The following GALNTL6 variants were observed in gnomAD, a reference collection of about 807,000 sequenced individuals.
GALNTL6 encodes polypeptide N-acetylgalactosaminyltransferase-like 6.
In GALNTL6, 46 loss-of-function variants were observed where a neutral mutation model predicts 73.7. The ratio of observed to expected loss-of-function variants is 0.62; its 90% CI spans 0.49 to 0.80. The LOEUF is 0.80. Ranked by LOEUF, GALNTL6 falls within the 30% of genes least tolerant of loss-of-function variation. GALNTL6 has a pLI of 0.00. For missense variants in GALNTL6, 604 were observed against 755.0 expected (o/e 0.80, Z 2.34); for synonymous variants, 259 against 263.7 (o/e 0.98, Z 0.17).
chr4:172,587,295 T>C (rs1737448867), intron 5 of GALNTL6, among the ~76,000 whole-genome samples: 1 of 152,206 alleles, frequency 6.6e-6, no homozygotes, highest in Admixed American at 6.5e-5. Flanking sequence ...CTACAAAGAA[T>C]AGCAAAATGG....
intron 5 of GALNTL6, among the ~76,000 whole-genome samples, chr4:172,783,461 TATA>T (rs1209272615): frequency 1.9e-4 from 28 of 147,728 alleles, no homozygotes; most frequent in East Asian, 3.9e-4. Context: ...ATTATAACAA[TATA>T]ATATTATACA....
chr4:172,577,116 T>C (rs1008403053), intron 5 of GALNTL6, among the ~76,000 whole-genome samples: 4 of 152,190 alleles, frequency 2.6e-5, no homozygotes, highest in Non-Finnish European at 5.9e-5. Flanking sequence ...AGCCCATTCA[T>C]ACTGCTGGGC....
chr4:172,688,126 C>T (rs895279885), intron 5 of GALNTL6, among the ~76,000 whole-genome samples: 2 of 152,164 alleles, frequency 1.3e-5, no homozygotes, highest in Non-Finnish European at 2.9e-5. Flanking sequence ...ATTAATATGA[C>T]TGCTGTAGTC....
At chr4:172,436,098 A>G (rs1731625624) in intron 5 of GALNTL6, among the ~76,000 whole-genome samples, 2 of 152,156 alleles carry the variant, frequency 1.3e-5, no homozygotes, top group Non-Finnish European at 2.9e-5. Flanking sequence ...TTAGTTATCC[A>G]GGGACGTACA....
At chr4:172,254,737 C>T (rs1010310706) in intron 3 of GALNTL6, among the ~76,000 whole-genome samples, 1 of 151,632 alleles carries the variant, frequency 6.6e-6, no homozygotes, top group Non-Finnish European at 1.5e-5. Flanking sequence ...TTTAGTTCCA[C>T]AAGAGAAGAC....
intron 5 of GALNTL6, among the ~76,000 whole-genome samples, chr4:172,437,664 C>T (rs1225263693): frequency 1.3e-5 from 2 of 152,008 alleles, no homozygotes; most frequent in East Asian, 3.9e-4. Context: ...TATACTTTCC[C>T]TAATGTTGAA....
At chr4:172,372,966 G>A (rs938073195) in intron 5 of GALNTL6, among the ~76,000 whole-genome samples, 3 of 152,020 alleles carry the variant, frequency 2.0e-5, no homozygotes, top group Non-Finnish European at 4.4e-5. Flanking sequence ...CCTGCTGCAG[G>A]CAAAGCTGGG....
chr4:172,759,552 A>T (rs1348290368), intron 5 of GALNTL6, among the ~76,000 whole-genome samples: 1 of 152,160 alleles, frequency 6.6e-6, no homozygotes. Flanking sequence ...CAACAATTTC[A>T]TCCACCCTTT....
At chr4:172,373,632 G>T (rs971121326) in intron 5 of GALNTL6, among the ~76,000 whole-genome samples, 1 of 151,958 alleles carries the variant, frequency 6.6e-6, no homozygotes, top group African/African-American at 2.4e-5. Context: ...CAGACTTCAG[G>T]GTTGATTCCC....
At chr4:172,440,889 T>G (rs1417529770) in intron 5 of GALNTL6, among the ~76,000 whole-genome samples, 3 of 152,158 alleles carry the variant, frequency 2.0e-5, no homozygotes, top group Non-Finnish European at 4.4e-5. Flanking sequence ...AAATTTTTTA[T>G]CAATTTGTCT....
intron 5 of GALNTL6, among the ~76,000 whole-genome samples, chr4:172,701,101 T>C (rs2111290996): frequency 6.6e-6 from 1 of 152,260 alleles, no homozygotes; most frequent in South Asian, 2.1e-4. Context: ...TTTCCTCACA[T>C]TTCTCATCTT....
intron 2 of GALNTL6, among the ~76,000 whole-genome samples, chr4:172,007,175 A>C (rs1740868488): frequency 6.6e-6 from 1 of 152,144 alleles, no homozygotes. Flanking sequence ...AAAGCTAAGA[A>C]CATGTAATTA....
At position 172,245,718 on chromosome 4, in the gene GALNTL6, G is replaced by T. The variant is rs1737635233; in HGVS notation, c.247+15954G>T. ...CATATCCAAGATCTGGCACAAATTTGTCAGTGATGAGTTATGGGCCTTCTT... is the reference window on the plus strand; with the variant it reads ...CATATCCAAGATCTGGCACAAATTTTTCAGTGATGAGTTATGGGCCTTCTT... On this transcript the variant is annotated intron_variant, in intron 3 of 12. Transcript: ENST00000506823. Among the ~76,000 whole-genome samples, 2 of 152,138 alleles carry T rather than the reference G, an allele frequency of 1.3e-5. 1 individual carries two copies. The highest frequency in any genetic ancestry group is 4.1e-4 in the South Asian group (2 of 4,824).
intron 4 of GALNTL6, among the ~76,000 whole-genome samples, chr4:172,334,346 G>C (rs1741235249): frequency 6.6e-6 from 1 of 152,026 alleles, no homozygotes; most frequent in African/African-American, 2.4e-5. Flanking sequence ...TGGACAATAT[G>C]GTCATTTTAA....
At chr4:172,890,462 C>G (rs1745973148) in intron 8 of GALNTL6, among the ~76,000 whole-genome samples, 2 of 152,024 alleles carry the variant, frequency 1.3e-5, no homozygotes, top group African/African-American at 4.8e-5. Context: ...CAAAGTCATT[C>G]AGGAGCAAGT....
intron 5 of GALNTL6, among the ~76,000 whole-genome samples, chr4:172,611,297 T>G (rs569754574): frequency 1.3e-5 from 2 of 152,122 alleles, no homozygotes; most frequent in East Asian, 3.9e-4. Context: ...TACTTAAGTG[T>G]GTTTTGTGGT....
At chr4:172,281,867 C>G (rs1055758162) in intron 3 of GALNTL6, among the ~76,000 whole-genome samples, 2 of 151,802 alleles carry the variant, frequency 1.3e-5, no homozygotes, top group African/African-American at 4.8e-5. Context: ...GGGGCATGGA[C>G]ATCTTTGGGG....
At chr4:172,079,523 A>G (rs1159191926) in intron 2 of GALNTL6, among the ~76,000 whole-genome samples, 1 of 152,080 alleles carries the variant, frequency 6.6e-6, no homozygotes, top group East Asian at 1.9e-4. Flanking sequence ...ATAGTACTCA[A>G]TTTTATCTCC....
chr4:173,005,131 C>T (rs4696041), intron 10 of GALNTL6, among the ~76,000 whole-genome samples: 148,652 of 152,208 alleles, frequency 0.98, 72,709 homozygotes, highest in Middle Eastern at 1. Flanking sequence ...GCCTGACTTC[C>T]CTTGCAGACC....
Sources: gnomAD v4.1 joint callset for allele counts (sites outside exome capture counted in the v4.1 genomes callset) on GRCh38, gnomAD v4.1.1 for gene constraint, MANE v1.5 for transcripts, NCBI Gene and HGNC (gene_info 2026-07-23, HGNC 2026-07-21) for gene names.